The following LINGO2 variants were observed in gnomAD, a reference collection of about 807,000 sequenced individuals.
LINGO2 encodes the protein leucine rich repeat and Ig domain containing 2, also known as leucine-rich repeat and immunoglobulin-like domain-containing nogo receptor-interacting protein 2.
In LINGO2, 14 loss-of-function variants were observed where a neutral mutation model predicts 30.6. The ratio of observed to expected loss-of-function variants is 0.46; its 90% CI spans 0.30 to 0.72. The LOEUF (loss-of-function observed/expected upper bound fraction) is 0.72, where lower values mean the gene tolerates loss of function less well. LINGO2 is among the 30% of genes least tolerant of loss of function. The pLI, the probability that LINGO2 is intolerant of heterozygous loss-of-function variation, is 0.07. For synonymous variants in LINGO2, 317 were observed against 288.5 expected, an observed-to-expected ratio of 1.10 and a Z score of -1.00; for missense variants, 729 against 751.7, an observed-to-expected ratio of 0.97 and a Z score of 0.35.
intron 5 of LINGO2, among the ~76,000 whole-genome samples, chr9:27,999,217 C>G (rs932544244): frequency 6.6e-6 from 1 of 152,018 alleles, no homozygotes; most frequent in Non-Finnish European, 1.5e-5. Context: ...ACAACATACT[C>G]TCTGAAAAGC....
the LINGO2 span, among the ~76,000 whole-genome samples, chr9:28,991,696 G>C: frequency 6.6e-6 from 1 of 151,242 alleles, no homozygotes; most frequent in Admixed American, 6.6e-5. Flanking sequence ...CCAGAAGAGA[G>C]TGGGGGCCAG....
intron 1 of LINGO2, among the ~76,000 whole-genome samples, chr9:28,595,919 CT>C (rs1563851604): frequency 6.6e-6 from 1 of 152,082 alleles, no homozygotes. Context: ...AAATGGGATA[CT>C]TTTGCATAAA....
intron 1 of LINGO2, among the ~76,000 whole-genome samples, chr9:28,533,260 G>T (rs1319858924): frequency 2.6e-5 from 4 of 152,120 alleles, no homozygotes; most frequent in Non-Finnish European, 4.4e-5. Context: ...CTTTACACCA[G>T]TAGTTTGCCT....
chr9:29,075,011 T>A, the LINGO2 span, among the ~76,000 whole-genome samples: 2 of 152,126 alleles, frequency 1.3e-5, no homozygotes, highest in Non-Finnish European at 2.9e-5. Flanking sequence ...CATTATCATA[T>A]TCATAAATAC....
chr9:28,626,423 A>G (rs1416107393), intron 1 of LINGO2, among the ~76,000 whole-genome samples: 1 of 152,084 alleles, frequency 6.6e-6, no homozygotes, highest in Non-Finnish European at 1.5e-5. Context: ...ATGTGTCAAT[A>G]TGTTTCCTTC....
chr9:29,038,074 G>A, the LINGO2 span, among the ~76,000 whole-genome samples: 1 of 151,898 alleles, frequency 6.6e-6, no homozygotes, highest in African/African-American at 2.4e-5. Context: ...TATTACAAAA[G>A]ATGTTATATT....
At chr9:28,801,291 T>C in the LINGO2 span, among the ~76,000 whole-genome samples, 1 of 152,182 alleles carries the variant, frequency 6.6e-6, no homozygotes, top group South Asian at 2.1e-4. Context: ...TGCTTTCCAC[T>C]GGACAGTTTT....
At chr9:29,127,050 T>A in the LINGO2 span, among the ~76,000 whole-genome samples, 1 of 152,114 alleles carries the variant, frequency 6.6e-6, no homozygotes. Context: ...CAGCCTCTGA[T>A]TGGTCACCTT....
intron 1 of LINGO2, among the ~76,000 whole-genome samples, chr9:28,586,477 A>C (rs939806233): frequency 5.9e-5 from 9 of 152,092 alleles, no homozygotes; most frequent in Non-Finnish European, 1.2e-4. Flanking sequence ...ATCCTTTTAA[A>C]ATAATCATAT....
chr9:28,761,874 C>G, the LINGO2 span, among the ~76,000 whole-genome samples: 1 of 151,978 alleles, frequency 6.6e-6, no homozygotes, highest in Admixed American at 6.6e-5. Flanking sequence ...ATCTTGAAAA[C>G]ATGTATGCAA....
intron 3 of LINGO2, among the ~76,000 whole-genome samples, chr9:28,368,881 C>G (rs1820790915): frequency 6.6e-6 from 1 of 152,008 alleles, no homozygotes; most frequent in South Asian, 2.1e-4. Context: ...CAGGCGTGAG[C>G]CACCGTGCCC....
At chr9:28,792,160 C>T in the LINGO2 span, among the ~76,000 whole-genome samples, 47 of 151,718 alleles carry the variant, frequency 3.1e-4, no homozygotes, top group Admixed American at 5.2e-4. Flanking sequence ...CTTGCCTAAG[C>T]CTTACTGTAA....
At chr9:29,043,424 TAA>T in the LINGO2 span, among the ~76,000 whole-genome samples, 7 of 152,018 alleles carry the variant, frequency 4.6e-5, no homozygotes, top group African/African-American at 1.4e-4. Flanking sequence ...AAGAATCTTA[TAA>T]AAATCGAAAA....
intron 4 of LINGO2, among the ~76,000 whole-genome samples, chr9:28,034,357 G>A (rs554935736): frequency 1.3e-5 from 2 of 152,238 alleles, no homozygotes; most frequent in Admixed American, 6.5e-5. Context: ...AATGTTTCCC[G>A]AGAAGCCCGT....
At chr9:27,987,421 T>C (rs1821176353) in intron 5 of LINGO2, among the ~76,000 whole-genome samples, 1 of 151,834 alleles carries the variant, frequency 6.6e-6, no homozygotes, top group Non-Finnish European at 1.5e-5. Context: ...AATATAGGTA[T>C]GTGTCACTGT....
chr9:29,089,659 A>G, the LINGO2 span, among the ~76,000 whole-genome samples: 77 of 152,212 alleles, frequency 5.1e-4, 2 homozygotes, highest in East Asian at 0.012. Flanking sequence ...AACACCTTCT[A>G]ACTGAAAAGG....
chr9:28,930,317 C>T, the LINGO2 span, among the ~76,000 whole-genome samples: 1 of 152,144 alleles, frequency 6.6e-6, no homozygotes, highest in Non-Finnish European at 1.5e-5. The surrounding 1 kb of genome is among the most constrained non-coding windows in gnomAD (Gnocchi z 4.2). Flanking sequence ...CTGTGTGGTC[C>T]TCCTCTGTGC....
At chr9:28,745,758 T>C in the LINGO2 span, among the ~76,000 whole-genome samples, 1 of 152,134 alleles carries the variant, frequency 6.6e-6, no homozygotes, top group South Asian at 2.1e-4. Context: ...TTAAAGTTCA[T>C]ACAATCTGAA....
At chr9:28,901,665 A>G in the LINGO2 span, among the ~76,000 whole-genome samples, 5 of 151,708 alleles carry the variant, frequency 3.3e-5, no homozygotes, top group Non-Finnish European at 1.5e-5. Context: ...GATGTTTTAC[A>G]TAAACCTCAC....
Sources: gnomAD v4.1 joint callset for allele counts (sites outside exome capture counted in the v4.1 genomes callset) on GRCh38, gnomAD v4.1.1 for gene constraint, Gnocchi (gnomAD v3.1) non-coding constraint, MANE v1.5 for transcripts, NCBI Gene and HGNC (gene_info 2026-07-23, HGNC 2026-07-21) for gene names.